The following SMG6 variants were observed in gnomAD, a reference collection of about 807,000 sequenced individuals.
SMG6 encodes SMG6 nonsense mediated mRNA decay factor.
In SMG6, 66 loss-of-function variants were observed where a neutral mutation model predicts 142.2. The observed-to-expected ratio is 0.46, with a 90% CI of 0.38 to 0.57. SMG6 has a LOEUF of 0.57. Ranked by LOEUF, SMG6 falls within the 20% of genes least tolerant of loss-of-function variation. SMG6 has a pLI of 0.00. For missense variants in SMG6, 1,793 were observed against 1,832.0 expected (o/e 0.98, Z 0.39); for synonymous variants, 779 against 702.4 (o/e 1.11, Z -1.72).
At chr17:2,140,118 A>T (rs1211709476) in intron 13 of SMG6, among the ~76,000 whole-genome samples, 1 of 151,958 alleles carries the variant, frequency 6.6e-6, no homozygotes, top group Admixed American at 6.6e-5. Flanking sequence ...GCTGGAGTGC[A>T]GTAGTGAGAC....
chr17:2,208,871 AT>A (rs2072765833), intron 10 of SMG6, among the ~76,000 whole-genome samples: 1 of 152,202 alleles, frequency 6.6e-6, no homozygotes. Flanking sequence ...GTATCGTGGG[AT>A]AGATAGCCGT....
chr17:2,181,511 A>C (rs932749123), intron 12 of SMG6, among the ~76,000 whole-genome samples: 15 of 152,232 alleles, frequency 9.9e-5, no homozygotes, highest in Non-Finnish European at 2.2e-4. Context: ...ACACTGTTTT[A>C]TCTCTCTAGC....
intron 10 of SMG6, among the ~76,000 whole-genome samples, chr17:2,219,803 CAAA>C (rs72234069): frequency 0.15 from 17,159 of 117,994 alleles, 1,095 homozygotes; most frequent in African/African-American, 0.24. Context: ...GACCCTTTAT[CAAA>C]AAAAAAAAAA....
At chr17:2,061,796 G>A (rs1005970562) in intron 18 of SMG6, 174 bp from the exon 19 acceptor site, 22 of 685,044 alleles carry the variant, frequency 3.2e-5, no homozygotes, top group Non-Finnish European at 4.9e-5. Context: ...ACCCTCCCCT[G>A]CTGGCCTAGA....
At chr17:2,196,310 T>A (rs1183229447) in intron 10 of SMG6, among the ~76,000 whole-genome samples, 1 of 152,168 alleles carries the variant, frequency 6.6e-6, no homozygotes, top group Non-Finnish European at 1.5e-5. Context: ...TAATCCCAGC[T>A]ACTCGGGAGG....
At chr17:2,135,705 T>C (rs2070272423) in intron 13 of SMG6, among the ~76,000 whole-genome samples, 1 of 152,240 alleles carries the variant, frequency 6.6e-6, no homozygotes, top group African/African-American at 2.4e-5. Flanking sequence ...GACTGATTGA[T>C]TGAAACAGTG....
In SMG6 at chr17:2,135,025, G is replaced by A. The variant is rs190427747; in HGVS notation, c.3357+37633C>T. On this transcript the variant is annotated intron_variant, in intron 13 of 18. Transcript: ENST00000263073. ...CTCCCGACTAGCTGGGATTACAGGCGTGAGCCACCATGCCTGGCTAATTTT... is the reference window on the plus strand; with the variant it reads ...CTCCCGACTAGCTGGGATTACAGGCATGAGCCACCATGCCTGGCTAATTTT... Among the ~76,000 whole-genome samples, 268 of 152,098 alleles carry A rather than the reference G, an allele frequency of 1.8e-3. 2 individuals are homozygous for A. The highest frequency in any genetic ancestry group is 6.1e-3 in the African/African-American group (253 of 41,482).
chr17:2,202,796 G>C (rs770132304), intron 10 of SMG6, among the ~76,000 whole-genome samples: 5 of 152,272 alleles, frequency 3.3e-5, no homozygotes, highest in South Asian at 2.1e-4. Context: ...CCTCAGAGAC[G>C]GTAAGTAAAC....
intron 10 of SMG6, among the ~76,000 whole-genome samples, chr17:2,207,136 A>T (rs1043481565): frequency 1.3e-5 from 2 of 150,600 alleles, no homozygotes; most frequent in African/African-American, 4.9e-5. Flanking sequence ...AAAAAAAAAA[A>T]AAAATAGCAG....
chr17:2,089,225 C>T (rs2068647676), intron 13 of SMG6, among the ~76,000 whole-genome samples: 1 of 152,122 alleles, frequency 6.6e-6, no homozygotes, highest in Non-Finnish European at 1.5e-5. Flanking sequence ...GCATGTATAT[C>T]GCAGCTCTGG....
chr17:2,231,001 G>A (rs1028435162), intron 10 of SMG6, among the ~76,000 whole-genome samples: 2 of 152,102 alleles, frequency 1.3e-5, no homozygotes, highest in East Asian at 3.9e-4. Flanking sequence ...TGTAGGAGGA[G>A]GAATGAGGGG....
intron 10 of SMG6, among the ~76,000 whole-genome samples, chr17:2,216,296 A>G (rs1470773308): frequency 1.3e-5 from 2 of 151,948 alleles, no homozygotes; most frequent in African/African-American, 4.8e-5. Context: ...AATTTTTTTT[A>G]CAGATTTGGC....
intron 8 of SMG6, among the ~76,000 whole-genome samples, chr17:2,249,100 A>T (rs182420595): frequency 3.3e-5 from 5 of 149,906 alleles, no homozygotes; most frequent in Non-Finnish European, 7.4e-5. Flanking sequence ...TCACCGTGTT[A>T]GCCAGGATGG....
In SMG6 at chr17:2,300,300, A is replaced by G. The variant is rs1308392062; in HGVS notation, c.453T>C (p.Arg151=). Residue 151 remains arginine (R), a synonymous_variant, in exon 2 of 19, where the codon CGT becomes CGC. Coordinates refer to ENST00000263073, the MANE Select transcript of SMG6 (RefSeq NM_017575.5). ...PDLQIYQPGR[R]LQTVSKESAS... ...CGGATTCTTTGCTAACAGTCTGCAA[A>G]CGTCGTCCAGGCTGATAGATCTGCA... 1 of 1,613,894 alleles carries G rather than the reference A, an allele frequency of 6.2e-7. No homozygotes were observed. The highest frequency in any genetic ancestry group is 8.5e-7 in the Non-Finnish European group (1 of 1,179,994).
At chr17:2,063,458 C>G (rs954605913) in intron 18 of SMG6, among the ~76,000 whole-genome samples, 13 of 152,192 alleles carry the variant, frequency 8.5e-5, no homozygotes, top group African/African-American at 2.9e-4. Flanking sequence ...TAGGGGCGGT[C>G]CCCCGGATGG....
At chr17:2,171,538 T>TTTGC (rs1555548108) in intron 13 of SMG6, among the ~76,000 whole-genome samples, 1 of 115,646 alleles carries the variant, frequency 8.6e-6, no homozygotes, top group Non-Finnish European at 1.8e-5. Flanking sequence ...CTAAAAACTG[T>TTTGC]TTGTTTGCTT....
chr17:2,134,215 C>T (rs1194792393), intron 13 of SMG6, among the ~76,000 whole-genome samples: 1 of 151,562 alleles, frequency 6.6e-6, no homozygotes, highest in African/African-American at 2.4e-5. Context: ...GTCAGGAGTT[C>T]GAGACCAGCC....
chr17:2,230,350 A>T (rs2073453691), intron 10 of SMG6, among the ~76,000 whole-genome samples: 1 of 148,692 alleles, frequency 6.7e-6, no homozygotes, highest in South Asian at 2.1e-4. Flanking sequence ...AAAACCACAA[A>T]CAATCAAATT....
At chr17:2,094,043 T>C (rs997123591) in intron 13 of SMG6, among the ~76,000 whole-genome samples, 1 of 152,142 alleles carries the variant, frequency 6.6e-6, no homozygotes, top group South Asian at 2.1e-4. Flanking sequence ...GACCTAACCA[T>C]AGGTATGCAT....
Sources: allele counts gnomAD v4.1 joint callset (sites outside exome capture counted in the v4.1 genomes callset), GRCh38; gene constraint gnomAD v4.1.1; transcripts MANE v1.5; gene names NCBI Gene and HGNC (gene_info 2026-07-23, HGNC 2026-07-21).